Variants in VPS13D observed in about 807,000 individuals in gnomAD.
VPS13D encodes the protein intermembrane lipid transfer protein VPS13D.
VPS13D carries 187 observed loss-of-function variants against 461.9 expected under a neutral mutation model. That is an observed-to-expected ratio of 0.40 (90% CI 0.36 to 0.46). The LOEUF (loss-of-function observed/expected upper bound fraction) is 0.46. Among genes scored for constraint, VPS13D ranks in the 20% least tolerant of loss-of-function variants. VPS13D has a pLI of 0.60. For synonymous variants in VPS13D, 1,951 were observed against 1,986.3 expected (o/e 0.98, Z 0.47); for missense variants, 4,711 against 5,364.9 (o/e 0.88, Z 3.81).
chr1:12,343,812 C>T (rs561725374), intron 42 of VPS13D, among the ~76,000 whole-genome samples: 11 of 152,234 alleles, frequency 7.2e-5, no homozygotes, highest in Non-Finnish European at 1.3e-4. Flanking sequence ...TCATAACCCT[C>T]AAGTTTATTG....
At position 12,276,675 on chromosome 1, in the gene VPS13D, T is replaced by C. The variant is rs775677815; in HGVS notation, c.3087T>C (p.Asp1029=). The change falls in exon 19 of 70, where the codon GAT becomes GAC. Residue 1029 remains aspartate, a synonymous_variant. Transcript: ENST00000620676. The surrounding 1 kb of genome is among the most constrained non-coding windows in gnomAD (Gnocchi z 4.5). ...LMASHKNLSF[D]IPTGSLRDSR... ...CTTCACATAAGAACTTGAGCTTTGATATTCCAACGGGAAGCCTTCGGGATA... is the reference window on the plus strand; with the variant it reads ...CTTCACATAAGAACTTGAGCTTTGACATTCCAACGGGAAGCCTTCGGGATA... 1 of 1,614,202 alleles carries C rather than the reference T, an allele frequency of 6.2e-7. No individual in the cohort carries two copies. Among genetic ancestry groups the C allele is most frequent in the South Asian group, 1.1e-5 (1 of 91,088 alleles).
At chr1:12,273,592 T>G (rs1641518019) in intron 18 of VPS13D, among the ~76,000 whole-genome samples, 1 of 152,236 alleles carries the variant, frequency 6.6e-6, no homozygotes, top group African/African-American at 2.4e-5. Context: ...TGGCAACCAC[T>G]AATCTTTCTG....
chr1:12,281,794 G>A (rs1476433844), intron 20 of VPS13D, among the ~76,000 whole-genome samples: 1 of 151,992 alleles, frequency 6.6e-6, no homozygotes, highest in Admixed American at 6.6e-5. Context: ...TTACAAAATG[G>A]TCACTTTTTC....
intron 25 of VPS13D, among the ~76,000 whole-genome samples, chr1:12,302,910 T>C (rs1194001310): frequency 6.6e-6 from 1 of 150,644 alleles, no homozygotes; most frequent in African/African-American, 2.4e-5. Context: ...TTAGAAAAAC[T>C]ATCTTACTGG....
chr1:12,293,592 T>C lies in VPS13D; in HGVS notation c.5921T>C (p.Val1974Ala), dbSNP rs1642192262. The C allele has an allele frequency of 6.2e-7, 1 of 1,614,088 alleles. No individual in the cohort carries two copies. Among genetic ancestry groups the C allele is most frequent in the Admixed American group, 1.7e-5 (1 of 60,012 alleles). The change falls in exon 24 of 70, where the codon GTG becomes GCG. Residue 1974 changes from valine (V) to alanine (A), a missense_variant. This residue lies in a region of VPS13D where 4,411 missense variants were observed against 4,937.8 expected (regional missense o/e 0.89). Transcript: ENST00000620676. ...CGCGTGAGCCTCCGGATGGCCTCTGTGCAGTATGTGCATACTCAGCGTTTC... is the reference window on the plus strand; with the variant it reads ...CGCGTGAGCCTCCGGATGGCCTCTGCGCAGTATGTGCATACTCAGCGTTTC... ...DIRVSLRMASVQYVHTQRFQA... is the reference protein window; with the variant it reads ...DIRVSLRMASAQYVHTQRFQA...
In VPS13D at chr1:12,311,859, A is replaced by G; in HGVS notation, c.6869A>G (p.Asp2290Gly). ...TACACCTGTATGTGCTTCCTCATTG[A>G]TATGGTGAATGTAAGTCTGGAGCTT... Reference protein sequence around the residue: ...EVYTCMCFLIDMVNVSLELKD... With the variant: ...EVYTCMCFLIGMVNVSLELKD... Residue 2290 changes from aspartate to glycine, a missense_variant, in exon 29 of 70, where the codon GAT (aspartate) becomes GGT (glycine). Asp to Gly is a moderately conservative substitution (Grantham distance 94, BLOSUM62 -1). Coordinates refer to ENST00000620676, the MANE Select transcript of VPS13D (RefSeq NM_015378.4). 8 of 1,614,176 alleles carry G rather than the reference A, an allele frequency of 5.0e-6. No individual in the cohort carries two copies. The highest frequency in any genetic ancestry group is 6.8e-6 in the Non-Finnish European group (8 of 1,180,020).
Position 12,418,432 on chromosome 1 carries a change from G to C in VPS13D, c.12333+1605G>C, listed in dbSNP as rs76574753. Among the ~76,000 whole-genome samples, 1,234 of 152,206 alleles carry C rather than the reference G, an allele frequency of 8.1e-3. 64 individuals carry two copies. In the East Asian group the frequency reaches 0.13, roughly 16 times the overall value. On this transcript the variant is annotated intron_variant, in intron 65 of 69. Coordinates refer to ENST00000620676, the MANE Select transcript of VPS13D (RefSeq NM_015378.4). ...ATAAATGAATGAACTTAAATATTTAGTTGTAAATGCCCAGTTAACATATTT... is the reference window on the plus strand; with the variant it reads ...ATAAATGAATGAACTTAAATATTTACTTGTAAATGCCCAGTTAACATATTT...
At chr1:12,493,108 A>G (rs1202460657) in intron 67 of VPS13D, among the ~76,000 whole-genome samples, 2 of 151,314 alleles carry the variant, frequency 1.3e-5, no homozygotes, top group Non-Finnish European at 2.9e-5. Flanking sequence ...TTTATTTCAA[A>G]TAAATAAAGA....
Position 12,362,825 on chromosome 1 carries a change from C to T in VPS13D, c.10247C>T (p.Ala3416Val). 6.2e-7 allele frequency: 1 copy of T among 1,614,168 alleles called. No homozygotes were observed. The highest frequency in any genetic ancestry group is 8.5e-7 in the Non-Finnish European group (1 of 1,180,024). Reference protein sequence around the residue: ...DNKSSHKLAFAQREFARGQGT... With the variant: ...DNKSSHKLAFVQREFARGQGT... The stretch of plus-strand genomic sequence containing the variant: ...AAATCATCTCACAAGCTTGCATTTG[C>T]ACAGAGGGAATTTGCCAGGGGACAG... Residue 3416 changes from alanine (A) to valine (V), a missense_variant, in exon 51 of 70, where the codon GCA becomes GTA. By Grantham distance (64) the Ala-to-Val change is moderately conservative (BLOSUM62 0). Coordinates refer to ENST00000620676, the MANE Select transcript of VPS13D (RefSeq NM_015378.4).
rs1443882081 is a variant in VPS13D, at chr1:12,260,943, C to T, written c.1213-5C>T. The T allele has an allele frequency of 6.2e-7, 1 of 1,614,072 alleles. No homozygotes were observed. The highest frequency in any genetic ancestry group is 8.5e-7 in the Non-Finnish European group (1 of 1,180,024). On this transcript the variant is annotated splice_region_variant and splice_polypyrimidine_tract_variant and intron_variant, in intron 11 of 69. Transcript: ENST00000620676. Reference sequence around the variant, plus strand: ...CTCATCTCTGCTCCTTTGTGATTGACACAGAGTCTGCGGGAGCCTCAGTTT... The same window carrying T: ...CTCATCTCTGCTCCTTTGTGATTGATACAGAGTCTGCGGGAGCCTCAGTTT...
rs61588046 is a variant in VPS13D at position 12,352,965 on chromosome 1, C to CAAAAAAAAAAAAAAAAAA, written c.9432-995_9432-978dup. ...GGGCAATAAGAGTGAAACTCAGTCT[C>CAAAAAAAAAAAAAAAAAA]AAAAAAAAAAAAAAAAAAAAAAAAA... On this transcript the variant is annotated intron_variant, in intron 46 of 69. Coordinates refer to ENST00000620676, the MANE Select transcript of VPS13D (RefSeq NM_015378.4). Among the ~76,000 whole-genome samples the CAAAAAAAAAAAAAAAAAA allele has an allele frequency of 2.8e-4, 5 of 17,588 alleles. 1 individual carries two copies. Among genetic ancestry groups the CAAAAAAAAAAAAAAAAAA allele is most frequent in the Non-Finnish European group, 2.1e-4 (2 of 9,748 alleles). 11.5% of individuals were successfully genotyped at this position (17,588 alleles called of 152,430 possible).
intron 50 of VPS13D, among the ~76,000 whole-genome samples, chr1:12,361,690 C>T (rs916975593): frequency 5.3e-5 from 8 of 152,192 alleles, no homozygotes; most frequent in East Asian, 1.9e-4. Flanking sequence ...CCACCACGCC[C>T]GGCCTGAATT....
intron 65 of VPS13D, among the ~76,000 whole-genome samples, chr1:12,425,490 C>T (rs1235286521): frequency 3.3e-5 from 5 of 151,500 alleles, no homozygotes; most frequent in African/African-American, 1.2e-4. Flanking sequence ...ACCCAGGAGG[C>T]GGAGGTTGCA....
rs537070203 is a variant in VPS13D at position 12,288,248 on chromosome 1, A to G, written c.5660A>G (p.Asn1887Ser). ...LKVHSLSLVL[N>S]KTTSELAKAN... ...GTTCATTCACTTTCTCTAGTGCTGA[A>G]TAAGACCACCAGTGAGCTTGCCAAA... Residue 1887 changes from asparagine to serine, a missense_variant, in exon 22 of 70, where the codon AAT becomes AGT. Around this residue, in one of 3 missense-constraint regions of VPS13D, gnomAD observed 4,411 missense variants for 4,937.8 expected, o/e 0.89. Coordinates refer to ENST00000620676, the MANE Select transcript of VPS13D (RefSeq NM_015378.4). 1.2e-6 allele frequency: 2 copies of G among 1,614,102 alleles called. No individual in the cohort carries two copies. The highest frequency in any genetic ancestry group is 1.1e-5 in the South Asian group (1 of 91,064).
Position 12,256,392 on chromosome 1 carries a change from T to C in VPS13D, c.729T>C (p.Phe243=), listed in dbSNP as rs1640922023. 6.2e-7 allele frequency: 1 copy of C among 1,614,152 alleles called. No individual in the cohort carries two copies. The highest frequency in any genetic ancestry group is 8.5e-7 in the Non-Finnish European group (1 of 1,180,014). ...ATCACTACGTCCTGGAGCCTGTGTT[T>C]GCATCTGCTCTTTTGAAGAGAAACT... ...RSHHYVLEPV[F]ASALLKRNCS... Residue 243 remains phenylalanine (F), a synonymous_variant, in exon 8 of 70, where the codon TTT becomes TTC. Transcript: ENST00000620676.
Position 12,268,828 on chromosome 1 carries a change from A to G in VPS13D, c.1924A>G (p.Ile642Val). The change falls in exon 16 of 70, where the codon ATT becomes GTT. Residue 642 changes from isoleucine to valine, a missense_variant. Ile to Val is a conservative substitution (Grantham distance 29). This residue lies in a region of VPS13D where 4,411 missense variants were observed against 4,937.8 expected (regional missense o/e 0.89). Coordinates refer to ENST00000620676, the MANE Select transcript of VPS13D (RefSeq NM_015378.4). ...GAACATCATATACAATCCGCAGGCC[A>G]TTAAAAAAGTAGCAGACTTTTTCTA... The part of the protein sequence containing the change: ...PLNIIYNPQA[I>V]KKVADFFYKG... The G allele has an allele frequency of 1.9e-6, 3 of 1,613,696 alleles. No homozygotes were observed. The highest frequency in any genetic ancestry group is 1.7e-6 in the Non-Finnish European group (2 of 1,179,846).
intron 36 of VPS13D, among the ~76,000 whole-genome samples, chr1:12,329,502 C>T (rs1430469809): frequency 6.6e-6 from 1 of 152,178 alleles, no homozygotes; most frequent in South Asian, 2.1e-4. Context: ...CATGAGCCAC[C>T]GTACCTGGCC....
At chr1:12,460,998 A>G (rs1377861595) in intron 67 of VPS13D, among the ~76,000 whole-genome samples, 4 of 152,164 alleles carry the variant, frequency 2.6e-5, no homozygotes, top group Admixed American at 6.5e-5. Flanking sequence ...CCTTGATACC[A>G]GCTGAGACTG....
intron 8 of VPS13D, among the ~76,000 whole-genome samples, 170 bp from the exon 9 acceptor site, chr1:12,256,817 G>A (rs1206273425): frequency 6.6e-6 from 1 of 151,880 alleles, no homozygotes; most frequent in Non-Finnish European, 1.5e-5. Flanking sequence ...TTAACTGTCA[G>A]GGTTCAGAGA....
Sources: gnomAD v4.1 joint callset for allele counts (sites outside exome capture counted in the v4.1 genomes callset) on GRCh38, gnomAD v4.1.1 for gene constraint, gnomAD v4.1.1 regional missense constraint, Gnocchi (gnomAD v3.1) non-coding constraint, MANE v1.5 for transcripts, NCBI Gene and HGNC (gene_info 2026-07-23, HGNC 2026-07-21) for gene names.